CYP4X1: variants seen among roughly 807,000 people sequenced by gnomAD.
CYP4X1 encodes cytochrome P450 family 4 subfamily X member 1.
CYP4X1 carries 44 observed loss-of-function variants against 57.9 expected under a neutral mutation model. That is an observed-to-expected ratio of 0.76 (90% CI 0.60 to 0.98). The LOEUF (loss-of-function observed/expected upper bound fraction) is 0.98. CYP4X1 is among the 50% of genes least tolerant of loss of function. The pLI, the probability that CYP4X1 is intolerant of heterozygous loss-of-function variation, is 0.00. For missense variants in CYP4X1, 532 were observed against 623.9 expected (o/e 0.85, Z 1.57); for synonymous variants, 227 against 228.6 (o/e 0.99, Z 0.06).
chr1:47,006,776 G>A, the CYP4X1 span, among the ~76,000 whole-genome samples: 1 of 152,226 alleles, frequency 6.6e-6, no homozygotes, highest in African/African-American at 2.4e-5. Flanking sequence ...GGCACACCAG[G>A]AGATTATATC....
the CYP4X1 span, among the ~76,000 whole-genome samples, chr1:47,009,675 A>C: frequency 6.6e-6 from 1 of 152,190 alleles, no homozygotes; most frequent in Admixed American, 6.5e-5. Flanking sequence ...AAGACTAATA[A>C]AGAAGAAAAG....
At chr1:46,962,074 A>C in the CYP4X1 span, among the ~76,000 whole-genome samples, 23 of 152,156 alleles carry the variant, frequency 1.5e-4, no homozygotes, top group African/African-American at 5.5e-4. Flanking sequence ...GGTACTAAAG[A>C]GACTGAATCT....
downstream of CYP4X1, among the ~76,000 whole-genome samples, chr1:47,052,967 T>G (rs1217584473): frequency 6.6e-6 from 1 of 152,196 alleles, no homozygotes; most frequent in African/African-American, 2.4e-5. Flanking sequence ...GTGCACAATG[T>G]GCAGGTTTGT....
the CYP4X1 span, among the ~76,000 whole-genome samples, chr1:46,987,364 G>T: frequency 2.6e-5 from 4 of 152,042 alleles, no homozygotes; most frequent in African/African-American, 9.7e-5. Flanking sequence ...CCCAATACAG[G>T]AGCACCCAGA....
At chr1:47,019,792 C>T (rs1480357263), upstream of CYP4X1, among the ~76,000 whole-genome samples, 2 of 152,256 alleles carry the variant, frequency 1.3e-5, no homozygotes, top group East Asian at 3.9e-4. Context: ...TAATCTGTGC[C>T]TCAGTTTTCA....
intron 2 of CYP4X1, 102 bp downstream of exon 2, chr1:47,030,233 A>C: frequency 1.4e-6 from 2 of 1,433,432 alleles, no homozygotes; most frequent in Non-Finnish European, 1.9e-6. Context: ...GGGGCCTTTA[A>C]GAGACACAGC....
chr1:47,017,796 G>A, the CYP4X1 span, among the ~76,000 whole-genome samples: 3 of 152,264 alleles, frequency 2.0e-5, no homozygotes, highest in East Asian at 5.8e-4. Flanking sequence ...TTTCCAGAGT[G>A]AACCAATGTT....
the CYP4X1 span, among the ~76,000 whole-genome samples, chr1:46,975,364 A>G: frequency 6.6e-6 from 1 of 152,262 alleles, no homozygotes; most frequent in South Asian, 2.1e-4. Context: ...TTCTGGTGGT[A>G]ATGAATTCCC....
the CYP4X1 span, among the ~76,000 whole-genome samples, chr1:46,974,933 A>G: frequency 4.6e-5 from 7 of 152,146 alleles, no homozygotes; most frequent in African/African-American, 1.7e-4. Context: ...TTTAATATTT[A>G]TGGGTAGATA....
intron 8 of CYP4X1, among the ~76,000 whole-genome samples, chr1:47,042,530 G>T (rs1644258052): frequency 6.6e-6 from 1 of 151,984 alleles, no homozygotes; most frequent in Non-Finnish European, 1.5e-5. Context: ...CTTTAGTGGT[G>T]ATTTGTGAGA....
chr1:47,050,948 G>A (rs11211427), downstream of CYP4X1, among the ~76,000 whole-genome samples: 63,627 of 151,866 alleles, frequency 0.42, 14,664 homozygotes, highest in East Asian at 0.97. Context: ...TGAATGGGCA[G>A]CCTACAGAAT....
the CYP4X1 span, among the ~76,000 whole-genome samples, chr1:46,968,300 TG>T: frequency 1.3e-5 from 2 of 152,148 alleles, no homozygotes; most frequent in Non-Finnish European, 2.9e-5. Flanking sequence ...ACAATCTTCT[TG>T]CCTGGACTCT....
the CYP4X1 span, among the ~76,000 whole-genome samples, chr1:46,968,685 T>TTGAGTGAGTGAG: frequency 0.012 from 1,800 of 151,832 alleles, 29 homozygotes; most frequent in African/African-American, 0.031. Flanking sequence ...CACTCAGTGA[T>TTGAGTGAGTGAG]TGAGTGAGTG....
At chr1:46,992,854 T>C in the CYP4X1 span, among the ~76,000 whole-genome samples, 1 of 152,210 alleles carries the variant, frequency 6.6e-6, no homozygotes, top group African/African-American at 2.4e-5. Context: ...CAATTTATAT[T>C]CACCAGCAAT....
At chr1:47,003,379 C>T in the CYP4X1 span, among the ~76,000 whole-genome samples, 2 of 152,182 alleles carry the variant, frequency 1.3e-5, no homozygotes, top group African/African-American at 4.8e-5. Context: ...AACTGTATGG[C>T]TCAGAGGAGC....
chr1:47,053,773 T>A (rs920755279), downstream of CYP4X1, among the ~76,000 whole-genome samples: 1 of 152,242 alleles, frequency 6.6e-6, no homozygotes, highest in Non-Finnish European at 1.5e-5. Context: ...TTGTTTGTTT[T>A]TTTCTTGTAA....
At chr1:47,038,371 T>A (rs1644208266) in intron 6 of CYP4X1, among the ~76,000 whole-genome samples, 1 of 152,172 alleles carries the variant, frequency 6.6e-6, no homozygotes, top group Non-Finnish European at 1.5e-5. Flanking sequence ...AGATAAAATA[T>A]TAGACTGAGG....
At chr1:46,966,871 A>C in the CYP4X1 span, among the ~76,000 whole-genome samples, 2 of 152,236 alleles carry the variant, frequency 1.3e-5, no homozygotes, top group Non-Finnish European at 2.9e-5. Flanking sequence ...TGTGAGGGAA[A>C]GGTTAATGTA....
In CYP4X1 at chr1:47,034,411, C is replaced by A. The variant is rs1383425080; in HGVS notation, c.492+1043C>A. Among the ~76,000 whole-genome samples, 4 of 152,292 alleles carry A rather than the reference C, an allele frequency of 2.6e-5. No homozygotes were observed. In the East Asian group the frequency reaches 7.7e-4, roughly 29 times the overall value. Reference sequence around the variant, plus strand: ...CAAAACTCTATTTGTACAATGGCTTCAATTTTTAAATCATATTTATTTTGA... The same window carrying A: ...CAAAACTCTATTTGTACAATGGCTTAAATTTTTAAATCATATTTATTTTGA... On this transcript the variant is annotated intron_variant, in intron 4 of 11. Coordinates refer to ENST00000371901, the MANE Select transcript of CYP4X1 (RefSeq NM_178033.2).
Sources: allele counts gnomAD v4.1 joint callset (sites outside exome capture counted in the v4.1 genomes callset), GRCh38; gene constraint gnomAD v4.1.1; transcripts MANE v1.5; gene names NCBI Gene and HGNC (gene_info 2026-07-23, HGNC 2026-07-21).